The following MAN2B1 variants were observed in gnomAD, a reference collection of about 807,000 sequenced individuals.
MAN2B1 encodes mannosidase alpha class 2B member 1, also known as lysosomal alpha-mannosidase.
In MAN2B1, 99 loss-of-function variants were observed where a neutral mutation model predicts 127.5. The ratio of observed to expected loss-of-function variants is 0.78; its 90% CI spans 0.66 to 0.92. The LOEUF is 0.92. MAN2B1 is among the 40% of genes least tolerant of loss of function. MAN2B1 has a pLI of 0.00. For missense variants in MAN2B1, 1,304 were observed against 1,384.8 expected (o/e 0.94, Z 0.93); for synonymous variants, 573 against 568.8 (o/e 1.01, Z -0.11).
chr19:12,656,166 G>T, intron 13 of MAN2B1: 1 of 464,998 alleles, frequency 2.2e-6, no homozygotes, highest in Non-Finnish European at 3.9e-6. Context: ...AAGAGGTTTG[G>T]GGGAGGACGT....
intron 16 of MAN2B1, 132 bp downstream of exon 16, chr19:12,652,021 T>C (rs2023849073): frequency 3.9e-6 from 3 of 770,962 alleles, no homozygotes; most frequent in Middle Eastern, 7.1e-4. Context: ...CGCTGATCTG[T>C]GGGTCTTAGC....
At chr19:12,649,886 C>A (rs752234339) in intron 18 of MAN2B1, 27 bp downstream of exon 18, 7 of 1,573,924 alleles carry the variant, frequency 4.4e-6, no homozygotes, top group East Asian at 2.2e-5. Context: ...ACAGACCACC[C>A]CCTCAGTGCT....
rs763820854 is a variant in MAN2B1, at chr19:12,663,282, A to G, written c.909+35T>C. 59 of 1,613,224 alleles carry G rather than the reference A, an allele frequency of 3.7e-5. No homozygotes were observed. In the East Asian group the frequency reaches 1.2e-3, roughly 34 times the overall value. ...ATGGAAAGAGCTCATTGTATTGTAT[A>G]TACCGGACTCGAAGGTTCTGGACAC... On this transcript the variant is annotated intron_variant, in intron 6 of 23. Transcript: ENST00000456935.
At position 12,647,443 on chromosome 19, in the gene MAN2B1, C is replaced by T. The variant is rs776760758; in HGVS notation, c.2820G>A (p.Arg940=). The T allele has an allele frequency of 2.5e-6, 4 of 1,614,072 alleles. No individual in the cohort carries two copies. In the Admixed American group the frequency reaches 5.0e-5, roughly 20 times the overall value. ...NLSAPVTLNL[R]DLFSTFTITR... ...TCCTTCTCAATTTTGCCCTTCTCACCCTCAAGTTCAAGGTAACGGGGGCGC... is the reference window on the plus strand; with the variant it reads ...TCCTTCTCAATTTTGCCCTTCTCACTCTCAAGTTCAAGGTAACGGGGGCGC... The change falls in exon 22 of 24, where the codon AGG becomes AGA. Residue 940 remains arginine (R), a splice_region_variant and synonymous_variant. Coordinates refer to ENST00000456935, the MANE Select transcript of MAN2B1 (RefSeq NM_000528.4). The surrounding 1 kb of genome is among the most constrained non-coding windows in gnomAD (Gnocchi z 4.9).
At position 12,649,973 on chromosome 19, in the gene MAN2B1, G is replaced by C. The variant is rs1270784757; in HGVS notation, c.2207C>G (p.Pro736Arg). ...GKEVISRFDT[P>R]LETKGRFYTD... ...GTAGAAGCGTCCCTTTGTCTCCAGC[G>C]GTGTGTCAAAACGGCTGATGACCTC... The change falls in exon 18 of 24, where the codon CCG becomes CGG. Residue 736 changes from proline to arginine, a missense_variant. Coordinates refer to ENST00000456935, the MANE Select transcript of MAN2B1 (RefSeq NM_000528.4). The C allele has an allele frequency of 6.2e-7, 1 of 1,613,808 alleles. No homozygotes were observed. Among genetic ancestry groups the C allele is most frequent in the African/African-American group, 1.3e-5 (1 of 74,860 alleles).
chr19:12,654,278 G>A (rs1337233731), intron 14 of MAN2B1, among the ~76,000 whole-genome samples: 5 of 152,000 alleles, frequency 3.3e-5, no homozygotes, highest in Non-Finnish European at 7.4e-5. Context: ...TCCTGACCTC[G>A]TGATCTGCCT....
rs909620768 is a variant in MAN2B1 at position 12,663,942 on chromosome 19, T to A, written c.631-107A>T. 8 of 1,450,504 alleles carry A rather than the reference T, an allele frequency of 5.5e-6. No individual in the cohort carries two copies. In the African/African-American group the frequency reaches 7.0e-5, roughly 13 times the overall value. 89.9% of individuals were successfully genotyped at this position (1,450,504 alleles called of 1,614,324 possible). The stretch of plus-strand genomic sequence containing the variant: ...GGTCAGAGCACAGGTTAAAAAGCAG[T>A]GCTAGGTCGATGTGGTGGCTCTTGC... On this transcript the variant is annotated intron_variant, in intron 4 of 23. Coordinates refer to ENST00000456935, the MANE Select transcript of MAN2B1 (RefSeq NM_000528.4).
At chr19:12,662,947 A>AAAT (rs1568306645) in intron 6 of MAN2B1, among the ~76,000 whole-genome samples, 32 of 150,192 alleles carry the variant, frequency 2.1e-4, no homozygotes, top group African/African-American at 6.6e-4. Context: ...CAAAAAAAAA[A>AAAT]AAATAATAAT....
intron 14 of MAN2B1, among the ~76,000 whole-genome samples, chr19:12,654,626 A>G (rs2023916753): frequency 6.6e-6 from 1 of 152,206 alleles, no homozygotes; most frequent in African/African-American, 2.4e-5. Context: ...TAATAAAAAT[A>G]TGAAAAAGAT....
Position 12,656,702 on chromosome 19 carries a change from G to A in MAN2B1, c.1528-15C>T, listed in dbSNP as rs757262138. 4.5e-6 allele frequency: 7 copies of A among 1,554,312 alleles called. No homozygotes were observed. In the South Asian group the frequency reaches 7.8e-5, roughly 17 times the overall value. ...ATGACCTGGAACTGGGGAGGCGGGG[G>A]TCAGAGAGGGCATGGGTCACAGCAG... On this transcript the variant is annotated splice_polypyrimidine_tract_variant and intron_variant, in intron 12 of 23. Coordinates refer to ENST00000456935, the MANE Select transcript of MAN2B1 (RefSeq NM_000528.4).
chr19:12,658,188 G>A (rs747960990), intron 9 of MAN2B1, 36 bp downstream of exon 9: 3 of 1,613,640 alleles, frequency 1.9e-6, no homozygotes, highest in African/African-American at 2.7e-5. Flanking sequence ...TCGGGCCTCG[G>A]GGCTGCATGC....
In MAN2B1 at chr19:12,658,334, G is replaced by T. The variant is rs756939697; in HGVS notation, c.1120C>A (p.His374Asn). ...NKANLTWSVK[H>N]DDFFPYADGP... is the part of the protein sequence containing the mutation. ...TCCGCGTAAGGGAAGAAGTCGTCATGTTTCACTGACCTACAGCGGCAGGGG... is the reference window on the plus strand; with the variant it reads ...TCCGCGTAAGGGAAGAAGTCGTCATTTTTCACTGACCTACAGCGGCAGGGG... Residue 374 changes from histidine (H) to asparagine (N), a missense_variant, in exon 9 of 24, where the codon CAT becomes AAT. By Grantham distance (68) the His-to-Asn change is moderately conservative (BLOSUM62 1). Transcript: ENST00000456935. 3 of 1,614,108 alleles carry T rather than the reference G, an allele frequency of 1.9e-6. No individual in the cohort carries two copies. Among genetic ancestry groups the T allele is most frequent in the Non-Finnish European group, 2.5e-6 (3 of 1,180,054 alleles).
chr19:12,663,792 T>C lies in MAN2B1; in HGVS notation c.674A>G (p.Asp225Gly). 6.2e-7 allele frequency: 1 copy of C among 1,614,174 alleles called. No individual in the cohort carries two copies. ...GFFFGRLDYQ[D>G]KWVRMQKLEM... is the part of the protein sequence containing the mutation. ...CAGCTTCTGCATCCGTACCCACTTA[T>C]CTTGATAATCAAGGCGCCCAAAGAA... is the stretch of plus-strand genomic sequence containing the variant. The change falls in exon 5 of 24, where the codon GAT becomes GGT. Residue 225 changes from aspartate to glycine, a missense_variant. Asp to Gly is a moderately conservative substitution (Grantham distance 94). Transcript: ENST00000456935.
chr19:12,661,796 T>G (rs2024110879), intron 6 of MAN2B1, among the ~76,000 whole-genome samples: 1 of 149,628 alleles, frequency 6.7e-6, no homozygotes, highest in African/African-American at 2.5e-5. Flanking sequence ...AAGACCAACC[T>G]GGGCCACACA....
chr19:12,649,558 T>C (rs2023790390), intron 18 of MAN2B1, 130 bp from the exon 19 acceptor site: 9 of 656,474 alleles, frequency 1.4e-5, no homozygotes, highest in Non-Finnish European at 2.4e-5. Context: ...CTCGGCTCAC[T>C]GCAAGCTCCG....
Position 12,652,378 on chromosome 19 carries a change from C to G in MAN2B1, c.1913G>C (p.Arg638Pro), listed in dbSNP as rs146725928. The change falls in exon 15 of 24, where the codon CGC (arginine) becomes CCC (proline). Residue 638 changes from arginine (R) to proline (P), a missense_variant. Physicochemically the swap from Arg to Pro is moderately radical, Grantham distance 103. Coordinates refer to ENST00000456935, the MANE Select transcript of MAN2B1 (RefSeq NM_000528.4). ...NMNQQLLLPV[R>P]QTFFWYNASI... ...CTTCCCTTACCAGAAGAAGGTCTGG[C>G]GAACAGGCAGCAGGAGTTGCTGATT... is the stretch of plus-strand genomic sequence containing the variant. The G allele has an allele frequency of 2.5e-6, 4 of 1,613,866 alleles. No homozygotes were observed. Among genetic ancestry groups the G allele is most frequent in the Non-Finnish European group, 2.5e-6 (3 of 1,179,976 alleles).
intron 7 of MAN2B1, among the ~76,000 whole-genome samples, chr19:12,660,718 C>A (rs1262203287): frequency 6.7e-6 from 1 of 149,900 alleles, no homozygotes; most frequent in African/African-American, 2.5e-5. Flanking sequence ...GCCTTGCCAA[C>A]ACCTTGATTA....
In MAN2B1 at chr19:12,647,663, G is replaced by A. The variant is rs939442511; in HGVS notation, c.2665-65C>T. 28 of 1,455,170 alleles carry A rather than the reference G, an allele frequency of 1.9e-5. No homozygotes were observed. Among genetic ancestry groups the A allele is most frequent in the Admixed American group, 3.7e-5 (2 of 53,346 alleles). 90.1% of individuals were successfully genotyped at this position (1,455,170 alleles called of 1,614,324 possible). On this transcript the variant is annotated intron_variant, in intron 21 of 23. Transcript: ENST00000456935. This position sits in a 1 kb window ranked among gnomAD's most constrained non-coding sequence, Gnocchi z 4.9. ...GGCCTGGATGGAGAAGGGCGGGGCC[G>A]AGCCAGGTCAGGAGGCAGGGCTAGG...
chr19:12,661,276 C>T lies in MAN2B1; in HGVS notation c.1010G>A (p.Arg337Gln), dbSNP rs1133330. ...CGCACTGACCTGCGCATTTACCAGC[C>T]GGATGAGCTTGTCAAGGTTCTTGAA... Reference protein sequence around the residue: ...MWFKNLDKLIRLVNAQQAKGS... With the variant: ...MWFKNLDKLIQLVNAQQAKGS... The change falls in exon 7 of 24, where the codon CGG becomes CAG. Residue 337 changes from arginine to glutamine, a missense_variant. Transcript: ENST00000456935. The T allele has an allele frequency of 0.36, 573,698 of 1,609,782 alleles. 108,154 individuals are homozygous for T. Among genetic ancestry groups the T allele is most frequent in the Middle Eastern group, 0.43 (2,602 of 6,028 alleles).
Sources: gnomAD v4.1 joint callset for allele counts (sites outside exome capture counted in the v4.1 genomes callset) on GRCh38, gnomAD v4.1.1 for gene constraint, Gnocchi (gnomAD v3.1) non-coding constraint, MANE v1.5 for transcripts, NCBI Gene and HGNC (gene_info 2026-07-23, HGNC 2026-07-21) for gene names.